SNRPN: variants seen among roughly 807,000 people sequenced by gnomAD.
The protein encoded by SNRPN is small nuclear ribonucleoprotein polypeptide N.
Under a neutral mutation model 25.2 loss-of-function variants are expected in SNRPN, and 7 were observed. The ratio of observed to expected loss-of-function variants is 0.28; its 90% confidence interval spans 0.16 to 0.52. SNRPN has a LOEUF of 0.52. Among genes scored for constraint, SNRPN ranks in the 20% least tolerant of loss-of-function variants. The pLI is 0.96. For synonymous variants in SNRPN, 124 were observed against 110.6 expected, an observed-to-expected ratio of 1.12 and a Z score of -0.76; for missense variants, 196 against 322.5, an observed-to-expected ratio of 0.61 and a Z score of 3.00.
intron 1 of SNRPN, among the ~76,000 whole-genome samples, chr15:24,884,188 G>A (rs2056991340): frequency 6.9e-6 from 1 of 144,270 alleles, no homozygotes; most frequent in Non-Finnish European, 1.5e-5. Context: ...ACACACAAAT[G>A]CCAGGCATGG....
chr15:24,856,787 C>CT (rs1434173673), intron 1 of SNRPN: 1 of 152,132 alleles, frequency 6.6e-6, no homozygotes, highest in East Asian at 1.9e-4. Flanking sequence ...ATGCAGTTTT[C>CT]TTTTTTATAA....
chr15:24,921,827 C>G (rs1231010681), intron 3 of SNRPN, among the ~76,000 whole-genome samples: 2 of 152,104 alleles, frequency 1.3e-5, no homozygotes, highest in African/African-American at 4.8e-5. Context: ...GTATTAGTCA[C>G]TATCAGTTGA....
intron 7 of SNRPN, 101 bp downstream of exon 7, chr15:24,977,130 C>A: frequency 1.1e-6 from 1 of 934,616 alleles, no homozygotes; most frequent in Non-Finnish European, 1.5e-6. Flanking sequence ...ACAATGTAAA[C>A]AGCATATGGT....
intron 2 of SNRPN, among the ~76,000 whole-genome samples, chr15:24,964,263 T>C (rs919186626): frequency 6.6e-6 from 1 of 152,212 alleles, no homozygotes; most frequent in Non-Finnish European, 1.5e-5. Context: ...TTGTCCTTTA[T>C]ATATAATAGG....
At chr15:24,898,813 G>A (rs370882512) in intron 2 of SNRPN, among the ~76,000 whole-genome samples, 2 of 152,098 alleles carry the variant, frequency 1.3e-5, no homozygotes, top group South Asian at 2.1e-4. Context: ...AAAGGAATGA[G>A]AAAAGACAAG....
intron 3 of SNRPN, among the ~76,000 whole-genome samples, chr15:24,927,429 C>T (rs1289009690): frequency 6.7e-6 from 1 of 148,498 alleles, no homozygotes; most frequent in Admixed American, 6.9e-5. Context: ...GCCTCCTTTC[C>T]CTCTTTTTTT....
chr15:24,972,542 T>C (rs569926952), intron 3 of SNRPN, among the ~76,000 whole-genome samples: 313 of 126,894 alleles, frequency 2.5e-3, no homozygotes, highest in African/African-American at 0.01. Flanking sequence ...TAGAGTATTC[T>C]TTTTTTTTTT....
At chr15:24,872,543 C>T (rs189733078) in intron 1 of SNRPN, among the ~76,000 whole-genome samples, 2,350 of 106,906 alleles carry the variant, frequency 0.022, 495 homozygotes, top group African/African-American at 0.071. Context: ...GTTGGGAGTT[C>T]GAGACCAGCC....
chr15:24,923,789 A>G (rs886980318), intron 3 of SNRPN, among the ~76,000 whole-genome samples: 3 of 151,894 alleles, frequency 2.0e-5, no homozygotes, highest in African/African-American at 7.3e-5. Context: ...GTGACAGGAG[A>G]GAGGCTGTTT....
intron 1 of SNRPN, among the ~76,000 whole-genome samples, chr15:24,870,232 T>G (rs974287590): frequency 6.6e-6 from 1 of 152,156 alleles, no homozygotes; most frequent in Non-Finnish European, 1.5e-5. Flanking sequence ...TAGTTTCTTT[T>G]ATTGGAAAAT....
chr15:24,852,290 T>C (rs367660236), upstream of SNRPN: 2 of 152,346 alleles, frequency 1.3e-5, no homozygotes, highest in East Asian at 1.9e-4. Context: ...GTATCCTGTC[T>C]TTACAATATT....
At position 24,929,476 on chromosome 15, in the gene SNRPN, A is replaced by AG. The variant is rs778829593; in HGVS notation, c.-391+9356dup. On this transcript the variant is annotated intron_variant, in intron 3 of 11. Coordinates refer to the SNRPN transcript ENST00000400097. This position sits in a 1 kb window ranked among gnomAD's most constrained non-coding sequence, Gnocchi z 5.3. ...AATGTAAGCAGGCTTCTGCAGTGAAAGGGGCCAGGTCTAGGAAGATGGGGA... is the reference window on the plus strand; with the variant it reads ...AATGTAAGCAGGCTTCTGCAGTGAAAGGGGGCCAGGTCTAGGAAGATGGGGA... 7.9e-5 allele frequency among the ~76,000 whole-genome samples: 12 copies of AG among 152,280 alleles called. No homozygotes were observed. The highest frequency in any genetic ancestry group is 2.6e-4 in the Admixed American group (4 of 15,302).
chr15:24,885,717 T>C (rs867463952), intron 1 of SNRPN, among the ~76,000 whole-genome samples: 22 of 12,196 alleles, frequency 1.8e-3, no homozygotes, highest in African/African-American at 4.3e-3. Context: ...AATCTGGGGC[T>C]GTGTGTGTGT....
chr15:24,838,427 C>T (rs1351557201), intron 2 of SNRPN, among the ~76,000 whole-genome samples: 1 of 152,108 alleles, frequency 6.6e-6, no homozygotes, highest in Non-Finnish European at 1.5e-5. Context: ...TACATACTGT[C>T]ATGAAATTAC....
chr15:24,850,919 T>C (rs2052761362), intron 2 of SNRPN: 1 of 152,106 alleles, frequency 6.6e-6, no homozygotes, highest in African/African-American at 2.4e-5. Context: ...GTTTTTATTT[T>C]TTTTTTGTTT....
chr15:24,875,227 C>T (rs2149129186), intron 1 of SNRPN, among the ~76,000 whole-genome samples: 1 of 152,226 alleles, frequency 6.6e-6, no homozygotes, highest in East Asian at 1.9e-4. Flanking sequence ...AAGAGGTAGG[C>T]AATATTACCA....
intron 2 of SNRPN, among the ~76,000 whole-genome samples, chr15:24,918,600 A>G (rs1199569511): frequency 7.8e-4 from 70 of 89,966 alleles, no homozygotes; most frequent in African/African-American, 1.5e-3. Context: ...ATATATGTAT[A>G]TATATAACAT....
rs1345465566 is a variant in SNRPN, at chr15:24,929,764, G to A, written c.-391+9640G>A. Among the ~76,000 whole-genome samples the A allele has an allele frequency of 1.3e-5, 2 of 152,164 alleles. No individual in the cohort carries two copies. The highest frequency in any genetic ancestry group is 2.9e-5 in the Non-Finnish European group (2 of 68,034). ...AGCATGAGAGCAGGGTCCATGTGAT[G>A]ATTTTTCTGTCAGTATCAGTTTCTG... On this transcript the variant is annotated intron_variant, in intron 3 of 11. Coordinates refer to the SNRPN transcript ENST00000400097. The surrounding 1 kb of genome is among the most constrained non-coding windows in gnomAD (Gnocchi z 5.3).
intron 2 of SNRPN, among the ~76,000 whole-genome samples, chr15:24,965,045 T>A (rs1467974070): frequency 1.3e-5 from 2 of 152,186 alleles, no homozygotes; most frequent in Non-Finnish European, 2.9e-5. Context: ...TGAGAGTAAT[T>A]GGATTATGGA....
Sources: allele counts gnomAD v4.1 joint callset (sites outside exome capture counted in the v4.1 genomes callset), GRCh38; gene constraint gnomAD v4.1.1; non-coding constraint Gnocchi (gnomAD v3.1); transcripts MANE v1.5; gene names NCBI Gene and HGNC (gene_info 2026-07-23, HGNC 2026-07-21).